Variants in SAMD12 observed in about 807,000 individuals in gnomAD.
SAMD12 encodes the protein sterile alpha motif domain-containing protein 12.
SAMD12 carries 9 observed loss-of-function variants against 15.0 expected under a neutral mutation model. The observed-to-expected ratio is 0.60, with a 90% CI of 0.36 to 1.05. The LOEUF is 1.05. Ranked by LOEUF, SAMD12 falls within the 50% of genes least tolerant of loss-of-function variation. The pLI is 0.01. For synonymous variants in SAMD12, 86 were observed against 90.1 expected, an observed-to-expected ratio of 0.96 and a Z score of 0.25; for missense variants, 230 against 234.2, an observed-to-expected ratio of 0.98 and a Z score of 0.12.
chr8:118,553,103 T>C (rs1464223074), intron 2 of SAMD12, among the ~76,000 whole-genome samples: 1 of 151,686 alleles, frequency 6.6e-6, no homozygotes, highest in Non-Finnish European at 1.5e-5. Context: ...ATGGCCATAC[T>C]GCCCAAGGTA....
intron 2 of SAMD12, among the ~76,000 whole-genome samples, chr8:118,545,616 A>G (rs1413140505): frequency 1.3e-5 from 2 of 152,236 alleles, no homozygotes; most frequent in Non-Finnish European, 2.9e-5. Context: ...GGAAAGAGAA[A>G]GAGATAACAT....
intron 2 of SAMD12, among the ~76,000 whole-genome samples, chr8:118,554,475 T>C (rs1024574358): frequency 1.5e-4 from 21 of 143,142 alleles, no homozygotes; most frequent in Non-Finnish European, 2.4e-4. Flanking sequence ...TAGGTGGGAA[T>C]TGAACAATGA....
intron 4 of SAMD12, among the ~76,000 whole-genome samples, chr8:118,215,900 T>C (rs1210788880): frequency 2.6e-5 from 4 of 151,498 alleles, no homozygotes; most frequent in African/African-American, 7.3e-5. Context: ...GTCTTTGCTA[T>C]TGTGAATAAT....
At position 118,318,330 on chromosome 8, in the gene SAMD12, A is replaced by G. The variant is rs1029470776; in HGVS notation, c.433+61230T>C. On this transcript the variant is annotated intron_variant, in intron 4 of 4. Transcript: ENST00000409003. ...TATGTGTATATATATATATATATAT[A>G]TATATATATATATATATATATATAT... 5.4e-3 allele frequency among the ~76,000 whole-genome samples: 425 copies of G among 79,090 alleles called. 7 individuals carry two copies. The highest frequency in any genetic ancestry group is 0.011 in the African/African-American group (192 of 17,598). The allele number at this position is 79,090 out of a possible 152,430, so 51.9% of individuals were successfully genotyped here.
chr8:118,444,380 T>G (rs1822845266), intron 2 of SAMD12, among the ~76,000 whole-genome samples: 1 of 152,162 alleles, frequency 6.6e-6, no homozygotes, highest in Non-Finnish European at 1.5e-5. Flanking sequence ...CCAAGCAGAA[T>G]TCCAGACATT....
downstream of SAMD12, among the ~76,000 whole-genome samples, chr8:118,188,515 C>T (rs763926799): frequency 6.6e-6 from 1 of 152,140 alleles, no homozygotes; most frequent in African/African-American, 2.4e-5. Context: ...CAAACAAACA[C>T]TAGATTTACA....
At chr8:118,506,333 C>T (rs1824918583) in intron 2 of SAMD12, among the ~76,000 whole-genome samples, 1 of 152,136 alleles carries the variant, frequency 6.6e-6, no homozygotes, top group Admixed American at 6.5e-5. Context: ...TACTTAAGAG[C>T]TTAGAACTCC....
chr8:118,218,641 G>A (rs1339468784), intron 4 of SAMD12, among the ~76,000 whole-genome samples: 1 of 151,840 alleles, frequency 6.6e-6, no homozygotes, highest in Non-Finnish European at 1.5e-5. Context: ...TCGATGCTGG[G>A]CTTATTTCAC....
At chr8:118,133,047 C>T in the SAMD12 span, among the ~76,000 whole-genome samples, 2 of 121,656 alleles carry the variant, frequency 1.6e-5, no homozygotes, top group Non-Finnish European at 3.4e-5. Context: ...TAATATGAGT[C>T]AAACATTTTA....
At chr8:118,504,948 G>A (rs1454512040) in intron 2 of SAMD12, among the ~76,000 whole-genome samples, 3 of 152,206 alleles carry the variant, frequency 2.0e-5, no homozygotes. Context: ...ACTGGGGGAT[G>A]TGGCTTTGAC....
the SAMD12 span, among the ~76,000 whole-genome samples, chr8:118,183,743 G>A: frequency 6.6e-6 from 1 of 152,128 alleles, no homozygotes; most frequent in Admixed American, 6.6e-5. Context: ...ATTGTATTGT[G>A]GGGAAGTCTG....
chr8:118,458,695 C>T (rs1329299060), intron 2 of SAMD12, among the ~76,000 whole-genome samples: 1 of 152,128 alleles, frequency 6.6e-6, no homozygotes, highest in Non-Finnish European at 1.5e-5. Context: ...TATGAAGCAG[C>T]AAAAATCTTT....
At chr8:118,137,184 A>G in the SAMD12 span, among the ~76,000 whole-genome samples, 1 of 152,210 alleles carries the variant, frequency 6.6e-6, no homozygotes, top group Non-Finnish European at 1.5e-5. Context: ...CACTCTATGC[A>G]AATGAAGTAG....
intron 1 of SAMD12, among the ~76,000 whole-genome samples, chr8:118,605,159 T>C (rs1464637339): frequency 6.6e-6 from 1 of 152,124 alleles, no homozygotes; most frequent in Non-Finnish European, 1.5e-5. Flanking sequence ...GTCTCTAGCC[T>C]TGACAACGAC....
chr8:118,529,683 T>C (rs1825632175), intron 2 of SAMD12, among the ~76,000 whole-genome samples: 1 of 152,234 alleles, frequency 6.6e-6, no homozygotes, highest in Non-Finnish European at 1.5e-5. Context: ...ACTTAGACTA[T>C]GGCTTCCAGT....
Position 118,430,157 on chromosome 8 carries a change from T to C in SAMD12, c.322+9675A>G, listed in dbSNP as rs545079297. ...GACATACATTCTATAAAATGTTCTA[T>C]AGATATCAGTTAGGTCACATTGATT... On this transcript the variant is annotated intron_variant, in intron 3 of 3. Transcript: ENST00000314727. 2.4e-4 allele frequency among the ~76,000 whole-genome samples: 37 copies of C among 152,308 alleles called. No individual in the cohort carries two copies. In the South Asian group the frequency reaches 7.7e-3, roughly 32 times the overall value.
chr8:118,552,158 T>A (rs1300639765), intron 2 of SAMD12, among the ~76,000 whole-genome samples: 2 of 151,996 alleles, frequency 1.3e-5, no homozygotes, highest in Non-Finnish European at 2.9e-5. Flanking sequence ...AAAGAGGGAA[T>A]CCTCCCTAAC....
chr8:118,485,901 T>C (rs1824263975), intron 2 of SAMD12, among the ~76,000 whole-genome samples: 1 of 152,248 alleles, frequency 6.6e-6, no homozygotes, highest in Admixed American at 6.5e-5. Flanking sequence ...TGAACAATGT[T>C]GTATCAGTCA....
chr8:118,353,919 TTTGGCA>T (rs1818094121), intron 4 of SAMD12, among the ~76,000 whole-genome samples: 1 of 152,174 alleles, frequency 6.6e-6, no homozygotes, highest in Admixed American at 6.5e-5. Context: ...GCCTGACAGT[TTTGGCA>T]TTGGCTGCCC....
Sources: allele counts gnomAD v4.1 joint callset (sites outside exome capture counted in the v4.1 genomes callset), GRCh38; gene constraint gnomAD v4.1.1; transcripts MANE v1.5; gene names NCBI Gene and HGNC (gene_info 2026-07-23, HGNC 2026-07-21).